SCAMP1: variants seen among roughly 807,000 people sequenced by gnomAD.
SCAMP1 encodes the protein secretory carrier-associated membrane protein 1.
Under a neutral mutation model 41.8 loss-of-function variants are expected in SCAMP1, and 15 were observed. That is an observed-to-expected ratio of 0.36 (90% CI 0.24 to 0.55). SCAMP1 has a LOEUF of 0.55. Among genes scored for constraint, SCAMP1 ranks in the 20% least tolerant of loss-of-function variants. SCAMP1 has a pLI of 0.86. For missense variants in SCAMP1, 341 were observed against 412.6 expected (o/e 0.83, Z 1.50); for synonymous variants, 135 against 136.8 (o/e 0.99, Z 0.09).
intron 8 of SCAMP1, among the ~76,000 whole-genome samples, chr5:78,461,024 T>C (rs1753598054): frequency 6.6e-6 from 1 of 151,830 alleles, no homozygotes; most frequent in South Asian, 2.1e-4. Context: ...CCTGGCTAAT[T>C]TTTATATGTT....
At chr5:78,365,039 A>G (rs1295850564) in intron 1 of SCAMP1, among the ~76,000 whole-genome samples, 2 of 152,210 alleles carry the variant, frequency 1.3e-5, no homozygotes, top group African/African-American at 4.8e-5. Flanking sequence ...TCAGTTTACT[A>G]TTTTGTAAAA....
intron 6 of SCAMP1, among the ~76,000 whole-genome samples, chr5:78,424,466 A>G (rs1228758969): frequency 6.6e-6 from 1 of 152,068 alleles, no homozygotes; most frequent in Non-Finnish European, 1.5e-5. Flanking sequence ...ATGGTGGCTC[A>G]TGCCTGTAAT....
At chr5:78,426,007 C>G (rs1471298594) in intron 6 of SCAMP1, among the ~76,000 whole-genome samples, 3 of 149,258 alleles carry the variant, frequency 2.0e-5, no homozygotes, top group African/African-American at 7.4e-5. Flanking sequence ...CATGTCTTCT[C>G]ATTGTTCAAC....
At chr5:78,400,294 T>G (rs984573814) in intron 2 of SCAMP1, among the ~76,000 whole-genome samples, 6 of 152,222 alleles carry the variant, frequency 3.9e-5, no homozygotes, top group Admixed American at 1.3e-4. Flanking sequence ...TGAACTCTAG[T>G]AGTGTCAATC....
Position 78,480,686 on chromosome 5 carries a change from A to T in SCAMP1, c.*5018A>T, listed in dbSNP as rs891514356. 6.6e-6 allele frequency among the ~76,000 whole-genome samples: 1 copy of T among 152,218 alleles called. No individual in the cohort carries two copies. The highest frequency in any genetic ancestry group is 2.4e-5 in the African/African-American group (1 of 41,456). ...ATACATAATGTGTTGTAGAACAATTAAAAATTCAGAAAGTGATACATGAGA... is the reference window on the plus strand; with the variant it reads ...ATACATAATGTGTTGTAGAACAATTTAAAATTCAGAAAGTGATACATGAGA... On this transcript the variant is annotated 3_prime_UTR_variant, in exon 9 of 9. Coordinates refer to ENST00000621999, the MANE Select transcript of SCAMP1 (RefSeq NM_004866.6).
intron 8 of SCAMP1, among the ~76,000 whole-genome samples, chr5:78,465,556 G>A (rs971863112): frequency 6.6e-6 from 1 of 152,172 alleles, no homozygotes; most frequent in Admixed American, 6.5e-5. Flanking sequence ...ACTTTCATAG[G>A]GTTGGTGTGA....
At chr5:78,377,671 C>G (rs778379964) in intron 1 of SCAMP1, among the ~76,000 whole-genome samples, 1 of 152,110 alleles carries the variant, frequency 6.6e-6, no homozygotes, top group East Asian at 1.9e-4. Flanking sequence ...TATTCATTAC[C>G]TAATATTTGC....
At chr5:78,444,060 G>A (rs1752996339) in intron 6 of SCAMP1, among the ~76,000 whole-genome samples, 1 of 152,156 alleles carries the variant, frequency 6.6e-6, no homozygotes, top group Admixed American at 6.5e-5. Flanking sequence ...GTGGTAAGGG[G>A]CAGTTCATAG....
At chr5:78,366,304 C>G (rs534534792) in intron 1 of SCAMP1, among the ~76,000 whole-genome samples, 210 of 152,086 alleles carry the variant, frequency 1.4e-3, no homozygotes, top group African/African-American at 4.9e-3. Context: ...CCACCATGCC[C>G]AGCTAATTTT....
intron 8 of SCAMP1, among the ~76,000 whole-genome samples, chr5:78,474,313 T>C (rs1753953309): frequency 6.6e-6 from 1 of 152,168 alleles, no homozygotes; most frequent in Non-Finnish European, 1.5e-5. Flanking sequence ...CCATAACATA[T>C]GCCGTTGGTT....
chr5:78,401,779 C>T (rs1751805331), intron 2 of SCAMP1, among the ~76,000 whole-genome samples: 2 of 152,082 alleles, frequency 1.3e-5, no homozygotes, highest in Admixed American at 6.5e-5. Context: ...TTTGAAAAAG[C>T]CAGGTTTTCA....
chr5:78,371,766 TAAAAG>T (rs919220819), intron 1 of SCAMP1, among the ~76,000 whole-genome samples: 5 of 152,294 alleles, frequency 3.3e-5, no homozygotes, highest in Non-Finnish European at 4.4e-5. Flanking sequence ...AATGCTTCCT[TAAAAG>T]AAATACTTCC....
intron 8 of SCAMP1, among the ~76,000 whole-genome samples, chr5:78,469,069 G>A (rs944898694): frequency 2.6e-5 from 4 of 152,000 alleles, no homozygotes; most frequent in African/African-American, 9.7e-5. Context: ...TGTGAGTTTG[G>A]TTGGAAAAAA....
rs932233732 is a variant in SCAMP1, at chr5:78,475,223, A to C, written c.853-281A>C. 5.3e-5 allele frequency among the ~76,000 whole-genome samples: 8 copies of C among 152,176 alleles called. No homozygotes were observed. In the South Asian group the frequency reaches 1.0e-3, roughly 20 times the overall value. On this transcript the variant is annotated intron_variant, in intron 8 of 8. Coordinates refer to ENST00000621999, the MANE Select transcript of SCAMP1 (RefSeq NM_004866.6). ...TAATTTCACTTGACTAATTGGGTGC[A>C]GAGGAAAATACAACTTTTTGAAGTT...
At chr5:78,391,266 C>A (rs1363357509) in intron 2 of SCAMP1, among the ~76,000 whole-genome samples, 3 of 150,984 alleles carry the variant, frequency 2.0e-5, no homozygotes, top group African/African-American at 7.3e-5. Flanking sequence ...GACGGGGCAG[C>A]TGGCCGGGCG....
intron 8 of SCAMP1, among the ~76,000 whole-genome samples, chr5:78,460,150 C>T (rs1580714490): frequency 6.6e-6 from 1 of 152,280 alleles, no homozygotes; most frequent in African/African-American, 2.4e-5. Flanking sequence ...ATTCAGTCTA[C>T]TATTGATGGA....
chr5:78,387,686 TG>T (rs1394212410), intron 1 of SCAMP1, among the ~76,000 whole-genome samples: 11 of 152,138 alleles, frequency 7.2e-5, no homozygotes, highest in Admixed American at 6.5e-4. Context: ...CCTGTACGGA[TG>T]GGGCTTCCTG....
At chr5:78,472,771 CTG>C (rs1205227208) in intron 8 of SCAMP1, among the ~76,000 whole-genome samples, 1 of 152,028 alleles carries the variant, frequency 6.6e-6, no homozygotes, top group Non-Finnish European at 1.5e-5. Flanking sequence ...TTTTAGTAAA[CTG>C]TGAAGCCCAT....
intron 1 of SCAMP1, among the ~76,000 whole-genome samples, chr5:78,369,646 C>G (rs1021005065): frequency 6.6e-6 from 1 of 152,204 alleles, no homozygotes; most frequent in African/African-American, 2.4e-5. Context: ...AGGGTTGCCA[C>G]AAACCTTCAA....
Sources: gnomAD v4.1 joint callset for allele counts (sites outside exome capture counted in the v4.1 genomes callset) on GRCh38, gnomAD v4.1.1 for gene constraint, MANE v1.5 for transcripts, NCBI Gene and HGNC (gene_info 2026-07-23, HGNC 2026-07-21) for gene names.